The following JKAMP variants were observed in gnomAD, a reference collection of about 807,000 sequenced individuals.
JKAMP encodes JNK1/MAPK8 associated membrane protein.
In JKAMP, 20 loss-of-function variants were observed where a neutral mutation model predicts 40.2. That is an observed-to-expected ratio of 0.50 (90% CI 0.35 to 0.72). The LOEUF (loss-of-function observed/expected upper bound fraction) is 0.72, where lower values mean the gene tolerates loss of function less well. JKAMP is among the 30% of genes least tolerant of loss of function. The pLI is 0.01. For synonymous variants in JKAMP, 138 were observed against 131.6 expected, an observed-to-expected ratio of 1.05 and a Z score of -0.33; for missense variants, 276 against 373.0, an observed-to-expected ratio of 0.74 and a Z score of 2.14.
intron 3 of JKAMP, among the ~76,000 whole-genome samples, chr14:59,488,817 TAG>T (rs1355445482): frequency 6.6e-6 from 1 of 152,256 alleles, no homozygotes; most frequent in Non-Finnish European, 1.5e-5. Flanking sequence ...ACTTGTTACC[TAG>T]CTACCTTCTT....
At chr14:59,495,282 A>T (rs1891363006) in intron 4 of JKAMP, 58 bp downstream of exon 4, 2 of 1,340,870 alleles carry the variant, frequency 1.5e-6, no homozygotes, top group African/African-American at 2.9e-5. Flanking sequence ...GAGGATTATT[A>T]TAGATTTTAT....
At chr14:59,493,162 T>C (rs1234006731) in intron 3 of JKAMP, among the ~76,000 whole-genome samples, 1 of 152,136 alleles carries the variant, frequency 6.6e-6, no homozygotes, top group Non-Finnish European at 1.5e-5. Context: ...AGAAACCGAT[T>C]CACAGATCCC....
intron 5 of JKAMP, 107 bp downstream of exon 5, chr14:59,499,015 C>CT (rs527684457): frequency 0.028 from 3,580 of 127,054 alleles, 595 homozygotes; most frequent in African/African-American, 0.047. Context: ...TTGTTTAATC[C>CT]TTTTTTTTTT....
chr14:59,501,570 T>TGCC (rs751637102), intron 6 of JKAMP, among the ~76,000 whole-genome samples: 5 of 152,216 alleles, frequency 3.3e-5, no homozygotes, highest in Non-Finnish European at 7.3e-5. Flanking sequence ...TGTTGAAACT[T>TGCC]ATTAACAGTA....
Position 59,504,314 on chromosome 14 carries a change from C to T in JKAMP, c.*242C>T. 2.1e-6 allele frequency: 1 copy of T among 481,324 alleles called. No individual in the cohort carries two copies. Among genetic ancestry groups the T allele is most frequent in the Non-Finnish European group, 3.7e-6 (1 of 271,974 alleles). The allele number at this position is 481,324 out of a possible 1,614,324, so 29.8% of individuals were successfully genotyped here. A position where few individuals can be genotyped will look rare whatever the true frequency, so the allele number is the denominator to read the frequency against. On this transcript the variant is annotated 3_prime_UTR_variant, in exon 7 of 7. Transcript: ENST00000616435. ...GCTACACTGGAAGGCCGCTAGGAAG[C>T]CCTTGCTTCTCTCAACAGTTCAGCT... is the stretch of plus-strand genomic sequence containing the variant.
At chr14:59,503,606 A>G (rs1329607106) in intron 6 of JKAMP, among the ~76,000 whole-genome samples, 14 of 152,178 alleles carry the variant, frequency 9.2e-5, no homozygotes, top group Non-Finnish European at 4.4e-5. Context: ...AGGACTTAAG[A>G]GACATGATGA....
chr14:59,490,874 T>C (rs1890942497), intron 3 of JKAMP, among the ~76,000 whole-genome samples: 1 of 152,196 alleles, frequency 6.6e-6, no homozygotes, highest in Admixed American at 6.5e-5. Context: ...TAGGTATGTC[T>C]TCACCAAATG....
chr14:59,489,616 A>G (rs1890838428), intron 3 of JKAMP, among the ~76,000 whole-genome samples: 2 of 152,226 alleles, frequency 1.3e-5, no homozygotes, highest in Non-Finnish European at 2.9e-5. Flanking sequence ...GGGTATCTTT[A>G]TAGCACTGCC....
chr14:59,502,706 G>T (rs866141257), intron 6 of JKAMP, among the ~76,000 whole-genome samples: 25 of 141,942 alleles, frequency 1.8e-4, no homozygotes, highest in Middle Eastern at 3.9e-3. Context: ...GGAAAGATTT[G>T]AGGGAGAAAA....
Position 59,505,223 on chromosome 14 carries a change from C to A in JKAMP, c.*1151C>A. On this transcript the variant is annotated 3_prime_UTR_variant, in exon 7 of 7. Coordinates refer to ENST00000616435, the MANE Select transcript of JKAMP (RefSeq NM_016475.5). Reference sequence around the variant, plus strand: ...AGTAGTCTGTCTTTTGAATTCACAGCAGTTGTATCCTTGAGTTACTTTGTT... The same window carrying A: ...AGTAGTCTGTCTTTTGAATTCACAGAAGTTGTATCCTTGAGTTACTTTGTT... 1 of 1,364,080 alleles carries A rather than the reference C, an allele frequency of 7.3e-7. No homozygotes were observed. The allele number at this position is 1,364,080 out of a possible 1,614,324, so 84.5% of individuals were successfully genotyped here. A position where few individuals can be genotyped will look rare whatever the true frequency, so the allele number is the denominator to read the frequency against.
rs780719088 is a variant in JKAMP at position 59,487,817 on chromosome 14, G to A, written c.240G>A (p.Ser80=). ...VLHWFFIEWY[S]GKKSSSALFQ... is the part of the protein sequence containing the mutation. ...ATTGGTTCTTCATTGAATGGTACTC[G>A]GGGAAAAAGAGGTTAGCACATTTCT... is the stretch of plus-strand genomic sequence containing the variant. The change falls in exon 3 of 7, where the codon TCG becomes TCA. Residue 80 remains serine, a synonymous_variant. Coordinates refer to ENST00000616435, the MANE Select transcript of JKAMP (RefSeq NM_016475.5). The A allele has an allele frequency of 8.7e-6, 14 of 1,613,194 alleles. 1 individual carries two copies. Among genetic ancestry groups the A allele is most frequent in the South Asian group, 6.6e-5 (6 of 91,062 alleles).
intron 6 of JKAMP, among the ~76,000 whole-genome samples, chr14:59,503,085 T>C (rs1892056358): frequency 6.6e-6 from 1 of 150,858 alleles, no homozygotes; most frequent in African/African-American, 2.5e-5. Context: ...AAGAATTAGC[T>C]ATACACTGTT....
chr14:59,487,228 T>C (rs1209088588), intron 2 of JKAMP: 3 of 154,696 alleles, frequency 1.9e-5, no homozygotes, highest in South Asian at 2.0e-4. Context: ...TAAGGAAATA[T>C]AAAAGAATAT....
At position 59,504,348 on chromosome 14, in the gene JKAMP, G is replaced by T; in HGVS notation, c.*276G>T. ...CTCTCAACAGTTCAGCTGTTCTTTA[G>T]GGCAAAATCATGTTTCTGTGTACCT... is the stretch of plus-strand genomic sequence containing the variant. On this transcript the variant is annotated 3_prime_UTR_variant, in exon 7 of 7. Coordinates refer to ENST00000616435, the MANE Select transcript of JKAMP (RefSeq NM_016475.5). 2 of 379,272 alleles carry T rather than the reference G, an allele frequency of 5.3e-6. No homozygotes were observed. Among genetic ancestry groups the T allele is most frequent in the South Asian group, 1.0e-4 (2 of 19,462 alleles). The allele number at this position is 379,272 out of a possible 1,614,324, so 23.5% of individuals were successfully genotyped here.
chr14:59,492,744 A>G (rs1244003012), intron 3 of JKAMP, among the ~76,000 whole-genome samples: 2 of 152,046 alleles, frequency 1.3e-5, no homozygotes, highest in African/African-American at 2.4e-5. Context: ...GTCTTTGCCC[A>G]AAGTATCTAA....
Position 59,495,116 on chromosome 14 carries a change from T to A in JKAMP, c.350T>A (p.Ile117Asn). Reference protein sequence around the residue: ...LVSDPVGVLYIRSCRVLMLSD... With the variant: ...LVSDPVGVLYNRSCRVLMLSD... The stretch of plus-strand genomic sequence containing the variant: ...AGTGATCCAGTTGGTGTTCTTTATA[T>A]TCGTTCATGTCGAGTATTGATGCTT... Residue 117 changes from isoleucine (I) to asparagine (N), a missense_variant, in exon 4 of 7, where the codon ATT becomes AAT. Coordinates refer to ENST00000616435, the MANE Select transcript of JKAMP (RefSeq NM_016475.5). The A allele has an allele frequency of 6.2e-7, 1 of 1,613,414 alleles. No individual in the cohort carries two copies. The highest frequency in any genetic ancestry group is 8.5e-7 in the Non-Finnish European group (1 of 1,179,338).
intron 3 of JKAMP, among the ~76,000 whole-genome samples, chr14:59,493,683 C>T (rs568757902): frequency 6.6e-6 from 1 of 152,110 alleles, no homozygotes; most frequent in Non-Finnish European, 1.5e-5. Context: ...TGTGACATAG[C>T]TCAGACCATT....
At chr14:59,495,692 AT>A (rs1195234824) in intron 4 of JKAMP, among the ~76,000 whole-genome samples, 1 of 152,200 alleles carries the variant, frequency 6.6e-6, no homozygotes, top group Non-Finnish European at 1.5e-5. Context: ...AATCAAATTC[AT>A]TTTGATATTT....
chr14:59,499,231 T>C lies in JKAMP; in HGVS notation c.640+323T>C, dbSNP rs140650885. 2.8e-3 allele frequency among the ~76,000 whole-genome samples: 420 copies of C among 152,042 alleles called. 2 individuals carry two copies. The highest frequency in any genetic ancestry group is 9.8e-3 in the African/African-American group (405 of 41,478). On this transcript the variant is annotated intron_variant, in intron 5 of 6. Coordinates refer to ENST00000616435, the MANE Select transcript of JKAMP (RefSeq NM_016475.5). ...TTAGTAGAGACGGGGTTTCACCATG[T>C]TGGCCACATTGATCTCGATCTCCTG... is the stretch of plus-strand genomic sequence containing the variant.
Sources: gnomAD v4.1 joint callset for allele counts (sites outside exome capture counted in the v4.1 genomes callset) on GRCh38, gnomAD v4.1.1 for gene constraint, MANE v1.5 for transcripts, NCBI Gene and HGNC (gene_info 2026-07-23, HGNC 2026-07-21) for gene names.